NELL1: variants seen among roughly 807,000 people sequenced by gnomAD.
NELL1 encodes protein kinase C-binding protein NELL1.
NELL1 carries 76 observed loss-of-function variants against 107.4 expected under a neutral mutation model. The ratio of observed to expected loss-of-function variants is 0.71; its 90% CI spans 0.59 to 0.86. NELL1 has a LOEUF of 0.86. Ranked by LOEUF, NELL1 falls within the 40% of genes least tolerant of loss-of-function variation. The probability of loss-of-function intolerance (pLI) is 0.00; values close to 1 mark genes in which losing one functional copy is unlikely to be tolerated. For missense variants in NELL1, 1,024 were observed against 1,005.5 expected (o/e 1.02, Z -0.25); for synonymous variants, 353 against 341.2 (o/e 1.03, Z -0.38).
intron 13 of NELL1, among the ~76,000 whole-genome samples, chr11:21,189,633 A>C (rs1000316526): frequency 6.6e-6 from 1 of 150,492 alleles, no homozygotes. Flanking sequence ...TCTTAAGATT[A>C]GTGGGTGCCA....
chr11:21,237,212 C>T (rs1282413092), intron 14 of NELL1, among the ~76,000 whole-genome samples: 1 of 152,090 alleles, frequency 6.6e-6, no homozygotes, highest in Non-Finnish European at 1.5e-5. Flanking sequence ...CTACCTGTAC[C>T]TTGAGACTGT....
chr11:21,246,828 C>T (rs1385022631), intron 14 of NELL1, among the ~76,000 whole-genome samples: 1 of 152,124 alleles, frequency 6.6e-6, no homozygotes, highest in Admixed American at 6.5e-5. Flanking sequence ...GCAAAAGGCA[C>T]ACCTTACATG....
At chr11:21,522,829 C>CT (rs1353302545) in intron 15 of NELL1, among the ~76,000 whole-genome samples, 11 of 109,180 alleles carry the variant, frequency 1.0e-4, no homozygotes, top group African/African-American at 2.2e-4. Flanking sequence ...CTATTTTTTT[C>CT]TTTTCTTTTT....
chr11:21,457,515 A>G (rs1334963592), intron 15 of NELL1, among the ~76,000 whole-genome samples: 2 of 152,294 alleles, frequency 1.3e-5, no homozygotes, highest in South Asian at 4.1e-4. Context: ...ACACAGGCAG[A>G]GATAGCAGTG....
intron 13 of NELL1, among the ~76,000 whole-genome samples, chr11:21,120,719 T>C (rs1855348171): frequency 6.6e-6 from 1 of 152,178 alleles, no homozygotes; most frequent in Non-Finnish European, 1.5e-5. Context: ...TACTTTTTGC[T>C]TGTTAAAGAT....
intron 14 of NELL1, among the ~76,000 whole-genome samples, chr11:21,313,457 G>T (rs77200725): frequency 1.1e-4 from 16 of 152,224 alleles, no homozygotes; most frequent in African/African-American, 3.4e-4. Flanking sequence ...CTTCTAGAGC[G>T]CCTGTTACAG....
At chr11:20,880,399 A>G (rs890067890) in intron 4 of NELL1, among the ~76,000 whole-genome samples, 1 of 152,202 alleles carries the variant, frequency 6.6e-6, no homozygotes, top group African/African-American at 2.4e-5. Context: ...ATTTTGTTTA[A>G]TCCTCATGAC....
rs1178440735 is a variant in NELL1 at position 21,442,249 on chromosome 11, C to G, written c.1645+71301C>G. The stretch of plus-strand genomic sequence containing the variant: ...ACCTAAGATTAGCAACCTCAGTTGC[C>G]TAAGATTGTGATTCAGAACCCTGCT... On this transcript the variant is annotated intron_variant, in intron 15 of 19. Coordinates refer to ENST00000357134, the MANE Select transcript of NELL1 (RefSeq NM_006157.5). Among the ~76,000 whole-genome samples, 5 of 152,102 alleles carry G rather than the reference C, an allele frequency of 3.3e-5. No individual in the cohort carries two copies. The East Asian group carries it at 5.8e-4, about 18-fold the overall frequency.
chr11:21,530,061 A>G (rs1436716182), intron 15 of NELL1, among the ~76,000 whole-genome samples: 2 of 152,156 alleles, frequency 1.3e-5, no homozygotes, highest in Admixed American at 1.3e-4. Flanking sequence ...TGTCTGCATC[A>G]GAGGATATAA....
At chr11:20,705,845 A>T (rs920031068) in intron 2 of NELL1, among the ~76,000 whole-genome samples, 1 of 151,998 alleles carries the variant, frequency 6.6e-6, no homozygotes, top group South Asian at 2.1e-4. Context: ...CCCATCAAAA[A>T]GTGGGCAAAG....
chr11:20,901,324 C>A (rs1345716917), intron 5 of NELL1, among the ~76,000 whole-genome samples: 1 of 151,936 alleles, frequency 6.6e-6, no homozygotes, highest in Non-Finnish European at 1.5e-5. Context: ...ATAACAAAAA[C>A]TGCAATTAAA....
intron 15 of NELL1, among the ~76,000 whole-genome samples, chr11:21,414,529 G>A (rs955142318): frequency 8.7e-6 from 1 of 115,140 alleles, no homozygotes. Context: ...ACGGCAAATG[G>A]ACTCTCCCTC....
chr11:21,301,327 TCCACAATGGTTGAA>T (rs998088906), intron 14 of NELL1, among the ~76,000 whole-genome samples: 1 of 152,166 alleles, frequency 6.6e-6, no homozygotes, highest in Non-Finnish European at 1.5e-5. Flanking sequence ...CACACTGTCT[TCCACAATGGTTGAA>T]CTAGTTTACA....
intron 2 of NELL1, among the ~76,000 whole-genome samples, chr11:20,728,150 G>A (rs1011520876): frequency 1.3e-5 from 2 of 151,964 alleles, no homozygotes; most frequent in Non-Finnish European, 2.9e-5. Flanking sequence ...TTTTAATGGG[G>A]TTATTTGTTT....
chr11:21,135,610 A>G (rs1855728315), intron 13 of NELL1, among the ~76,000 whole-genome samples: 1 of 152,196 alleles, frequency 6.6e-6, no homozygotes, highest in Non-Finnish European at 1.5e-5. Flanking sequence ...GAATGATAAC[A>G]ATAGCTGCTC....
chr11:21,361,259 A>ATTTTTT (rs59239329), intron 14 of NELL1, among the ~76,000 whole-genome samples: 1 of 113,576 alleles, frequency 8.8e-6, no homozygotes, highest in Non-Finnish European at 1.8e-5. Context: ...TTGTGTGACA[A>ATTTTTT]TTTTTTTTTT....
At position 21,229,417 on chromosome 11, in the gene NELL1, C is replaced by T; in HGVS notation, c.1512C>T (p.Cys504=). The T allele has an allele frequency of 6.2e-7, 1 of 1,613,998 alleles. No individual in the cohort carries two copies. The highest frequency in any genetic ancestry group is 8.5e-7 in the Non-Finnish European group (1 of 1,179,912). The change falls in exon 14 of 20, where the codon TGC becomes TGT. Residue 504 remains cysteine (C), a synonymous_variant. Coordinates refer to ENST00000357134, the MANE Select transcript of NELL1 (RefSeq NM_006157.5). ...TNTVQGHSCT[C]KPGYVGNGTI... ...CTGTCCAGGGACACAGCTGCACCTG[C>T]AAACCGGGCTACGTGGGGAACGGGA...
intron 15 of NELL1, among the ~76,000 whole-genome samples, chr11:21,466,233 A>T (rs1039923562): frequency 6.6e-6 from 1 of 152,140 alleles, no homozygotes; most frequent in Non-Finnish European, 1.5e-5. Flanking sequence ...GTGACAGGGC[A>T]GTCTTTCAGC....
At chr11:20,888,013 T>A (rs1002395939) in intron 5 of NELL1, among the ~76,000 whole-genome samples, 1 of 151,638 alleles carries the variant, frequency 6.6e-6, no homozygotes, top group African/African-American at 2.4e-5. Context: ...GTTTGAAGAA[T>A]CAAAATAATA....
Sources: allele counts gnomAD v4.1 joint callset (sites outside exome capture counted in the v4.1 genomes callset), GRCh38; gene constraint gnomAD v4.1.1; transcripts MANE v1.5; gene names NCBI Gene and HGNC (gene_info 2026-07-23, HGNC 2026-07-21).